ADAMTSL2: variants seen among roughly 807,000 people sequenced by gnomAD.
The protein encoded by ADAMTSL2 is ADAMTS like 2.
A neutral mutation model predicts 117.0 loss-of-function variants in ADAMTSL2; 55 were observed. That is an observed-to-expected ratio of 0.47 (90% CI 0.38 to 0.59). The LOEUF is 0.59. Among genes scored for constraint, ADAMTSL2 ranks in the 20% least tolerant of loss-of-function variants. ADAMTSL2 has a pLI of 0.00. For synonymous variants in ADAMTSL2, 572 were observed against 566.4 expected, an observed-to-expected ratio of 1.01 and a Z score of -0.14; for missense variants, 1,182 against 1,354.5, an observed-to-expected ratio of 0.87 and a Z score of 2.00.
At position 133,574,871 on chromosome 9, in the gene ADAMTSL2, C is replaced by T; in HGVS notation, c.*7C>T. Reference sequence around the variant, plus strand: ...CAGGCCCCCCCACTCCTAGGCCCGGCAGCTGCAGCCCCTTCCAGATGAAGA... The same window carrying T: ...CAGGCCCCCCCACTCCTAGGCCCGGTAGCTGCAGCCCCTTCCAGATGAAGA... On this transcript the variant is annotated 3_prime_UTR_variant, in exon 19 of 19. Coordinates refer to ENST00000651351, the MANE Select transcript of ADAMTSL2 (RefSeq NM_014694.4). The T allele has an allele frequency of 2.5e-6, 4 of 1,593,950 alleles. 1 individual carries two copies. The highest frequency in any genetic ancestry group is 3.4e-6 in the Non-Finnish European group (4 of 1,164,610).
Position 133,557,311 on chromosome 9 carries a change from C to G in ADAMTSL2, c.1649+1381C>G, listed in dbSNP as rs1830624504. Among the ~76,000 whole-genome samples, 1 of 152,186 alleles carries G rather than the reference C, an allele frequency of 6.6e-6. No homozygotes were observed. Among genetic ancestry groups the G allele is most frequent in the African/African-American group, 2.4e-5 (1 of 41,438 alleles). ...GGCTGCGGGGTGCAGGGAGGATGTC[C>G]TGAGCACTTCTGGCAGGCTCTGGGC... On this transcript the variant is annotated intron_variant, in intron 11 of 18. Transcript: ENST00000651351. The surrounding 1 kb of genome is among the most constrained non-coding windows in gnomAD (Gnocchi z 5.2).
intron 12 of ADAMTSL2, among the ~76,000 whole-genome samples, chr9:133,563,510 G>A (rs1830797225): frequency 6.6e-6 from 1 of 152,214 alleles, no homozygotes; most frequent in Non-Finnish European, 1.5e-5. Flanking sequence ...ATCGCTGGCT[G>A]GAGAGGGGAC....
chr9:133,555,970 G>C (rs928049564), intron 11 of ADAMTSL2, 40 bp downstream of exon 11: 42 of 1,598,404 alleles, frequency 2.6e-5, no homozygotes, highest in African/African-American at 4.0e-5. Context: ...GGGCCCTCAG[G>C]GGGCAGGATG....
At chr9:133,539,265 C>CGACT (rs1239899471) in intron 4 of ADAMTSL2, among the ~76,000 whole-genome samples, 4 of 152,196 alleles carry the variant, frequency 2.6e-5, no homozygotes, top group African/African-American at 4.8e-5. Flanking sequence ...GGCCCCGGCA[C>CGACT]GACTAAGCTG....
chr9:133,562,616 AC>A lies in ADAMTSL2; in HGVS notation c.1747+1324del, dbSNP rs1316628544. ...CACCGCCGTGGGCGGCGTGGCGGGCACCCGGCTGGGCCCGGTTCGCACCGCC... is the reference window on the plus strand; with the variant it reads ...CACCGCCGTGGGCGGCGTGGCGGGCACCGGCTGGGCCCGGTTCGCACCGCC... On this transcript the variant is annotated intron_variant, in intron 12 of 18. Transcript: ENST00000651351. Among the ~76,000 whole-genome samples, 740 of 103,850 alleles carry A rather than the reference AC, an allele frequency of 7.1e-3. 109 individuals are homozygous for A. The highest frequency in any genetic ancestry group is 0.011 in the African/African-American group (264 of 24,972). 68.1% of individuals were successfully genotyped at this position (103,850 alleles called of 152,430 possible).
chr9:133,553,531 A>G (rs1358275690), intron 9 of ADAMTSL2, among the ~76,000 whole-genome samples: 2 of 152,054 alleles, frequency 1.3e-5, no homozygotes, highest in Admixed American at 6.5e-5. Flanking sequence ...TATTGCACCA[A>G]TAGTGCATTT....
chr9:133,550,907 A>G (rs1258825073), intron 9 of ADAMTSL2, among the ~76,000 whole-genome samples: 1 of 152,118 alleles, frequency 6.6e-6, no homozygotes, highest in Non-Finnish European at 1.5e-5. Flanking sequence ...ACTTCCTGGT[A>G]CAAATGAACA....
chr9:133,537,820 G>A (rs540338317), intron 3 of ADAMTSL2, among the ~76,000 whole-genome samples: 2 of 152,186 alleles, frequency 1.3e-5, no homozygotes, highest in South Asian at 2.1e-4. Context: ...TCCTGGAGGC[G>A]GAGAACCACC....
chr9:133,567,181 G>A, intron 13 of ADAMTSL2, 119 bp downstream of exon 13: 3 of 1,346,216 alleles, frequency 2.2e-6, no homozygotes, highest in Non-Finnish European at 3.0e-6. Context: ...AGGGCCGTGG[G>A]GGCTCTTCGA....
chr9:133,572,077 G>A (rs911075224), intron 17 of ADAMTSL2, among the ~76,000 whole-genome samples: 2 of 152,170 alleles, frequency 1.3e-5, no homozygotes, highest in African/African-American at 2.4e-5. Context: ...ACCCCAGTGC[G>A]GCCCTGCTCA....
chr9:133,568,010 C>T (rs62574225), intron 13 of ADAMTSL2, among the ~76,000 whole-genome samples: 5,243 of 152,292 alleles, frequency 0.034, 103 homozygotes, highest in Middle Eastern at 0.11. Flanking sequence ...CAGCAGGGCA[C>T]GAAGGGGCAG....
At chr9:133,564,617 A>G (rs1035429768) in intron 12 of ADAMTSL2, among the ~76,000 whole-genome samples, 4 of 46,318 alleles carry the variant, frequency 8.6e-5, no homozygotes, top group African/African-American at 1.9e-4. Context: ...GGAGAGAGAG[A>G]GAGAGAGGGA....
intron 2 of ADAMTSL2, among the ~76,000 whole-genome samples, chr9:133,537,116 C>T (rs146343918): frequency 7.9e-5 from 12 of 152,262 alleles, no homozygotes; most frequent in East Asian, 3.9e-4. Flanking sequence ...TGAGCTGCTC[C>T]GGGGAAAGTG....
chr9:133,533,581 G>A (rs1230085336), upstream of ADAMTSL2, among the ~76,000 whole-genome samples: 2 of 152,170 alleles, frequency 1.3e-5, no homozygotes, highest in Non-Finnish European at 2.9e-5. Context: ...GAGGGCAGAC[G>A]GTATTATCGC....
chr9:133,554,230 T>G lies in ADAMTSL2; in HGVS notation c.940-127T>G. ...CGTTGGGCTGGGCTAGTCAGTGTCA[T>G]TCCCTGAGGGGGCTCAACTGCCAGT... is the stretch of plus-strand genomic sequence containing the variant. On this transcript the variant is annotated intron_variant, in intron 9 of 18. Coordinates refer to ENST00000651351, the MANE Select transcript of ADAMTSL2 (RefSeq NM_014694.4). The surrounding 1 kb of genome is among the most constrained non-coding windows in gnomAD (Gnocchi z 5.2). 1.1e-6 allele frequency: 1 copy of G among 882,282 alleles called. No homozygotes were observed. Among genetic ancestry groups the G allele is most frequent in the Non-Finnish European group, 1.7e-6 (1 of 585,372 alleles). The allele number at this position is 882,282 out of a possible 1,614,324, so 54.7% of individuals were successfully genotyped here.
At chr9:133,544,624 C>A (rs1031716469) in intron 8 of ADAMTSL2, 74 bp downstream of exon 8, 3 of 1,293,274 alleles carry the variant, frequency 2.3e-6, no homozygotes, top group South Asian at 1.2e-5. Context: ...AGAGAAGGGG[C>A]ACTTGACCCT....
Position 133,567,047 on chromosome 9 carries a change from G to A in ADAMTSL2, c.1859G>A (p.Arg620Lys). Residue 620 changes from arginine (R) to lysine (K), a missense_variant, in exon 13 of 19, where the codon AGG becomes AAG. Physicochemically the swap from Arg to Lys is conservative, Grantham distance 26 (BLOSUM62 2). Transcript: ENST00000651351. ...CCTGTCCACGAGTTCTGCGCTGGGA[G>A]GGAGTGCCAGCCCAGGTACCTGCCA... is the stretch of plus-strand genomic sequence containing the variant. ...PEPVHEFCAG[R>K]ECQPRWETSS... 6.2e-7 allele frequency: 1 copy of A among 1,608,874 alleles called. No individual in the cohort carries two copies. Among genetic ancestry groups the A allele is most frequent in the Non-Finnish European group, 8.5e-7 (1 of 1,179,540 alleles).
intron 11 of ADAMTSL2, among the ~76,000 whole-genome samples, chr9:133,559,587 C>T (rs935478506): frequency 3.2e-4 from 49 of 150,984 alleles, no homozygotes; most frequent in Non-Finnish European, 8.9e-5. Flanking sequence ...CTCCTGACCT[C>T]GTGATCCACC....
rs1830624671 is a variant in ADAMTSL2 at position 133,557,324 on chromosome 9, G to T, written c.1649+1394G>T. ...AGGGAGGATGTCCTGAGCACTTCTG[G>T]CAGGCTCTGGGCGGAATCCTACTTT... On this transcript the variant is annotated intron_variant, in intron 11 of 18. Coordinates refer to ENST00000651351, the MANE Select transcript of ADAMTSL2 (RefSeq NM_014694.4). The surrounding 1 kb of genome is among the most constrained non-coding windows in gnomAD (Gnocchi z 5.2). 6.6e-6 allele frequency among the ~76,000 whole-genome samples: 1 copy of T among 152,214 alleles called. No homozygotes were observed. The highest frequency in any genetic ancestry group is 1.5e-5 in the Non-Finnish European group (1 of 68,048).
Sources: gnomAD v4.1 joint callset for allele counts (sites outside exome capture counted in the v4.1 genomes callset) on GRCh38, gnomAD v4.1.1 for gene constraint, Gnocchi (gnomAD v3.1) non-coding constraint, MANE v1.5 for transcripts, NCBI Gene and HGNC (gene_info 2026-07-23, HGNC 2026-07-21) for gene names.